GYS2: variants seen among roughly 807,000 people sequenced by gnomAD.
The protein encoded by GYS2 is glycogen synthase 2.
GYS2 carries 80 observed loss-of-function variants against 85.6 expected under a neutral mutation model. The observed-to-expected ratio is 0.93, with a 90% CI of 0.78 to 1.13. GYS2 has a LOEUF of 1.13. GYS2 is among the 50% of genes most tolerant of loss of function. The pLI is 0.00. For synonymous variants in GYS2, 328 were observed against 300.7 expected (o/e 1.09, Z -0.94); for missense variants, 881 against 854.9 (o/e 1.03, Z -0.38).
intron 11 of GYS2, among the ~76,000 whole-genome samples, chr12:21,556,821 G>A (rs900826596): frequency 1.3e-5 from 2 of 152,128 alleles, no homozygotes; most frequent in Non-Finnish European, 2.9e-5. Context: ...ACATGCAACC[G>A]TCTCTCCCAT....
At chr12:21,576,157 A>G (rs1944444754) in intron 2 of GYS2, 100 bp from the exon 3 acceptor site, 1 of 908,676 alleles carries the variant, frequency 1.1e-6, no homozygotes. Context: ...AGTACTCAAT[A>G]GCAAATTAAA....
At chr12:21,587,266 T>G (rs1437918679) in intron 1 of GYS2, among the ~76,000 whole-genome samples, 1 of 152,206 alleles carries the variant, frequency 6.6e-6, no homozygotes, top group African/African-American at 2.4e-5. Context: ...GATGGTCCAC[T>G]AAAAGCTCAG....
At chr12:21,557,625 C>T (rs1297412449) in intron 11 of GYS2, among the ~76,000 whole-genome samples, 1 of 152,080 alleles carries the variant, frequency 6.6e-6, no homozygotes, top group Non-Finnish European at 1.5e-5. Flanking sequence ...TCTGGCCGGG[C>T]GCGGTGGCTC....
chr12:21,565,812 G>GGC (rs1199259958), intron 5 of GYS2, among the ~76,000 whole-genome samples: 1 of 78,094 alleles, frequency 1.3e-5, no homozygotes, highest in Non-Finnish European at 3.2e-5. Context: ...CCAAGTAGAA[G>GGC]ACAATGTTAC....
rs751632507 is a variant in GYS2 at position 21,580,326 on chromosome 12, G to A, written c.303+16C>T. 1.2e-6 allele frequency: 2 copies of A among 1,604,718 alleles called. No homozygotes were observed. The highest frequency in any genetic ancestry group is 8.5e-7 in the Non-Finnish European group (1 of 1,172,050). ...AGTTTACTGAGAATTGCCAAGTGAA[G>A]TGTCAGTTCCTTTACCTGGCAGCCA... On this transcript the variant is annotated intron_variant, in intron 2 of 15. Coordinates refer to ENST00000261195, the MANE Select transcript of GYS2 (RefSeq NM_021957.4).
chr12:21,557,783 C>T (rs1007179396), intron 11 of GYS2, among the ~76,000 whole-genome samples: 22 of 152,044 alleles, frequency 1.4e-4, no homozygotes, highest in Non-Finnish European at 3.1e-4. Flanking sequence ...CCTGTAGTCC[C>T]AGCTACTCGG....
chr12:21,556,884 T>C (rs11046118), intron 11 of GYS2, among the ~76,000 whole-genome samples: 86,612 of 151,966 alleles, frequency 0.57, 26,034 homozygotes, highest in East Asian at 0.74. Context: ...TTTATTTGTT[T>C]GATTTTTTTA....
intron 15 of GYS2, 106 bp from the exon 16 acceptor site, chr12:21,537,281 T>G (rs996887284): frequency 5.0e-6 from 4 of 798,110 alleles, no homozygotes; most frequent in Non-Finnish European, 8.6e-6. Flanking sequence ...TATCTATCTT[T>G]TGTAGTCTGG....
At chr12:21,569,130 A>G in intron 4 of GYS2, 121 bp from the exon 5 acceptor site, 1 of 881,372 alleles carries the variant, frequency 1.1e-6, no homozygotes, top group Non-Finnish European at 1.8e-6. Context: ...TATGACCACA[A>G]AAAAGTAATA....
chr12:21,586,200 GA>G (rs35803281), intron 1 of GYS2, among the ~76,000 whole-genome samples: 6,902 of 151,866 alleles, frequency 0.045, 245 homozygotes, highest in Non-Finnish European at 0.071. Flanking sequence ...AAAGCAGGCA[GA>G]AAAAAAACAT....
intron 3 of GYS2, 135 bp downstream of exon 3, chr12:21,575,731 T>A: frequency 4.1e-6 from 3 of 738,392 alleles, no homozygotes; most frequent in Non-Finnish European, 7.3e-6. Context: ...TCCTCAGATT[T>A]CTTTCAATTG....
intron 11 of GYS2, among the ~76,000 whole-genome samples, chr12:21,556,683 T>C (rs933134585): frequency 6.6e-6 from 1 of 152,090 alleles, no homozygotes; most frequent in Non-Finnish European, 1.5e-5. Context: ...TCAAACCAGT[T>C]TGTGCGAAAG....
intron 1 of GYS2, among the ~76,000 whole-genome samples, chr12:21,585,364 C>G (rs7137480): frequency 0.42 from 63,793 of 151,816 alleles, 13,995 homozygotes; most frequent in Middle Eastern, 0.55. Flanking sequence ...GTGTTGGCTG[C>G]GGTGATTAAC....
At chr12:21,547,918 A>G (rs1944060933) in intron 11 of GYS2, among the ~76,000 whole-genome samples, 1 of 152,200 alleles carries the variant, frequency 6.6e-6, no homozygotes, top group Non-Finnish European at 1.5e-5. Flanking sequence ...AAACTGTTCT[A>G]AAAAGCAAAC....
intron 11 of GYS2, among the ~76,000 whole-genome samples, chr12:21,553,426 T>C (rs1944137116): frequency 6.6e-6 from 1 of 152,240 alleles, no homozygotes; most frequent in South Asian, 2.1e-4. Context: ...CTAGAGATCT[T>C]AGCCCCAGGA....
At chr12:21,537,481 AG>A (rs1943923872) in intron 15 of GYS2, 1 of 369,696 alleles carries the variant, frequency 2.7e-6, no homozygotes, top group African/African-American at 2.1e-5. Context: ...GGAGGGTTAG[AG>A]GGGTCAAGTA....
intron 11 of GYS2, among the ~76,000 whole-genome samples, chr12:21,548,998 G>A (rs922031153): frequency 3.9e-5 from 6 of 152,096 alleles, no homozygotes; most frequent in African/African-American, 1.4e-4. Context: ...GATTTACTGT[G>A]TATTGATTTC....
chr12:21,560,779 G>T (rs763468672), intron 7 of GYS2, among the ~76,000 whole-genome samples: 1 of 151,822 alleles, frequency 6.6e-6, no homozygotes, highest in Admixed American at 6.6e-5. Flanking sequence ...AAATATTTTC[G>T]TGCCTTTGAC....
intron 11 of GYS2, among the ~76,000 whole-genome samples, chr12:21,549,302 G>T (rs534942489): frequency 7.9e-5 from 12 of 152,204 alleles, no homozygotes; most frequent in African/African-American, 2.6e-4. Flanking sequence ...AAAGTACTGG[G>T]AATCCCACAT....
Sources: allele counts gnomAD v4.1 joint callset (sites outside exome capture counted in the v4.1 genomes callset), GRCh38; gene constraint gnomAD v4.1.1; transcripts MANE v1.5; gene names NCBI Gene and HGNC (gene_info 2026-07-23, HGNC 2026-07-21).